The following OSBP2 variants were observed in gnomAD, a reference collection of about 807,000 sequenced individuals.
The protein encoded by OSBP2 is oxysterol-binding protein 2.
In OSBP2, 66 loss-of-function variants were observed where a neutral mutation model predicts 96.0. That is an observed-to-expected ratio of 0.69 (90% confidence interval 0.56 to 0.84). The LOEUF is 0.84. Among genes scored for constraint, OSBP2 ranks in the 40% least tolerant of loss-of-function variants. OSBP2 has a pLI of 0.00. For synonymous variants in OSBP2, 525 were observed against 520.9 expected, an observed-to-expected ratio of 1.01 and a Z score of -0.11; for missense variants, 1,038 against 1,222.7, an observed-to-expected ratio of 0.85 and a Z score of 2.25.
At chr22:30,867,904 C>T (rs2039378133) in intron 2 of OSBP2, among the ~76,000 whole-genome samples, 1 of 152,152 alleles carries the variant, frequency 6.6e-6, no homozygotes, top group African/African-American at 2.4e-5. Flanking sequence ...CGTGTTGAGC[C>T]GGGGGCCATT....
At chr22:30,883,548 C>A (rs182772600) in intron 3 of OSBP2, among the ~76,000 whole-genome samples, 1 of 152,200 alleles carries the variant, frequency 6.6e-6, no homozygotes, top group Non-Finnish European at 1.5e-5. Context: ...AGCACTGGGC[C>A]AAGCTTAGGG....
At chr22:30,864,599 C>T (rs539674218) in intron 2 of OSBP2, among the ~76,000 whole-genome samples, 6 of 152,232 alleles carry the variant, frequency 3.9e-5, no homozygotes, top group African/African-American at 9.6e-5. Context: ...TGTCCTTCCC[C>T]GCCCAGGACC....
intron 2 of OSBP2, among the ~76,000 whole-genome samples, chr22:30,757,487 G>A (rs12485111): frequency 0.26 from 38,804 of 151,286 alleles, 5,155 homozygotes; most frequent in East Asian, 0.45. Flanking sequence ...GCATGATCTC[G>A]GCTCACTGCA....
intron 12 of OSBP2, among the ~76,000 whole-genome samples, chr22:30,900,428 T>C (rs1281721596): frequency 6.6e-6 from 1 of 152,144 alleles, no homozygotes; most frequent in Non-Finnish European, 1.5e-5. Context: ...AAAGATGTCA[T>C]GATTTAAAAA....
chr22:30,835,514 C>G (rs1602333742), intron 2 of OSBP2, among the ~76,000 whole-genome samples: 1 of 152,156 alleles, frequency 6.6e-6, no homozygotes, highest in East Asian at 1.9e-4. Flanking sequence ...GCCAACACCA[C>G]ACTTTCAATA....
intron 2 of OSBP2, among the ~76,000 whole-genome samples, chr22:30,767,063 G>A (rs1016263452): frequency 8.1e-6 from 1 of 123,384 alleles, no homozygotes; most frequent in Admixed American, 8.1e-5. Context: ...TCTGGGATGG[G>A]ATTTAATTTT....
rs2040350622 is a variant in OSBP2, at chr22:30,907,146, G to T, written c.*807G>T. On this transcript the variant is annotated 3_prime_UTR_variant, in exon 14 of 14. Coordinates refer to ENST00000332585, the MANE Select transcript of OSBP2 (RefSeq NM_030758.4). ...CAGGAAGGGCTGGAAGGCAGGGCCT[G>T]CAGGTGCTCCCCGCCCTGAGACCCA... is the stretch of plus-strand genomic sequence containing the variant. The T allele has an allele frequency of 6.5e-6, 1 of 152,694 alleles. No individual in the cohort carries two copies. Among genetic ancestry groups the T allele is most frequent in the Non-Finnish European group, 1.5e-5 (1 of 68,114 alleles). The allele number at this position is 152,694 out of a possible 1,614,324, so 9.5% of individuals were successfully genotyped here. A position where few individuals can be genotyped will look rare whatever the true frequency, so the allele number is the denominator to read the frequency against.
chr22:30,898,219 G>A (rs1214174150), intron 12 of OSBP2, among the ~76,000 whole-genome samples: 1 of 152,016 alleles, frequency 6.6e-6, no homozygotes, highest in East Asian at 1.9e-4. Context: ...AGGCATGATG[G>A]TACATGCCTG....
intron 2 of OSBP2, among the ~76,000 whole-genome samples, chr22:30,775,821 T>G (rs2090427009): frequency 6.6e-6 from 1 of 151,886 alleles, no homozygotes. Context: ...TCTGAGACAG[T>G]GTCTTGCTCT....
intron 2 of OSBP2, among the ~76,000 whole-genome samples, chr22:30,750,463 C>T (rs965925760): frequency 2.6e-5 from 4 of 152,088 alleles, no homozygotes; most frequent in East Asian, 1.9e-4. Flanking sequence ...ATTCAAAGGC[C>T]CCCCAACCAT....
chr22:30,884,989 GGAGT>G (rs1428176012), intron 3 of OSBP2, among the ~76,000 whole-genome samples: 9 of 152,214 alleles, frequency 5.9e-5, no homozygotes, highest in Non-Finnish European at 1.3e-4. Context: ...AGGAGTGGTG[GGAGT>G]TAGTGGTTGT....
At chr22:30,873,659 G>A (rs944573964) in intron 3 of OSBP2, among the ~76,000 whole-genome samples, 7 of 152,302 alleles carry the variant, frequency 4.6e-5, no homozygotes, top group Admixed American at 3.3e-4. Flanking sequence ...CCTAGCGCCC[G>A]TGCCTGCATT....
intron 3 of OSBP2, among the ~76,000 whole-genome samples, chr22:30,886,816 AG>A (rs2039820091): frequency 6.6e-6 from 1 of 152,226 alleles, no homozygotes; most frequent in Admixed American, 6.5e-5. Context: ...CAGGGAATGG[AG>A]GTGGGGGAGC....
At chr22:30,770,097 ATTTTTT>A (rs136328) in intron 2 of OSBP2, among the ~76,000 whole-genome samples, 1 of 117,890 alleles carries the variant, frequency 8.5e-6, no homozygotes, top group Non-Finnish European at 1.7e-5. Context: ...TTCCCCCATG[ATTTTTT>A]TTTTTTTTTT....
intron 2 of OSBP2, among the ~76,000 whole-genome samples, chr22:30,753,911 A>G (rs1252114204): frequency 1.3e-5 from 2 of 152,162 alleles, no homozygotes; most frequent in Non-Finnish European, 2.9e-5. Context: ...CCAGTTTGGT[A>G]TTCCTTCCGT....
chr22:30,843,044 AAAGT>A (rs1177590076), intron 2 of OSBP2, among the ~76,000 whole-genome samples: 1 of 152,150 alleles, frequency 6.6e-6, no homozygotes, highest in African/African-American at 2.4e-5. Context: ...TCAGCCTCCC[AAAGT>A]GCTGGGATTA....
chr22:30,882,744 GGCTATCA>G (rs2039730335), intron 3 of OSBP2, among the ~76,000 whole-genome samples: 1 of 152,206 alleles, frequency 6.6e-6, no homozygotes, highest in Non-Finnish European at 1.5e-5. Context: ...TTCTATGAGA[GGCTATCA>G]GCTGCCCGGA....
chr22:30,745,889 A>T (rs962896236), intron 2 of OSBP2, among the ~76,000 whole-genome samples: 1 of 152,210 alleles, frequency 6.6e-6, no homozygotes, highest in African/African-American at 2.4e-5. Flanking sequence ...GAAAAGGGTT[A>T]TAAGAACAGG....
intron 2 of OSBP2, among the ~76,000 whole-genome samples, chr22:30,843,117 A>G (rs2038789585): frequency 6.6e-6 from 1 of 152,034 alleles, no homozygotes; most frequent in Admixed American, 6.6e-5. Context: ...CTCCACTTCT[A>G]ATTCTGATTC....
Sources: gnomAD v4.1 joint callset for allele counts (sites outside exome capture counted in the v4.1 genomes callset) on GRCh38, gnomAD v4.1.1 for gene constraint, MANE v1.5 for transcripts, NCBI Gene and HGNC (gene_info 2026-07-23, HGNC 2026-07-21) for gene names.